The following SLC16A7 variants were observed in gnomAD, a reference collection of about 807,000 sequenced individuals.
The protein encoded by SLC16A7 is monocarboxylate transporter 2.
SLC16A7 carries 33 observed loss-of-function variants against 34.9 expected under a neutral mutation model. That is an observed-to-expected ratio of 0.94 (90% CI 0.72 to 1.26). The LOEUF is 1.26. Ranked by LOEUF, SLC16A7 falls within the 50% of genes most tolerant of loss-of-function variation. SLC16A7 has a pLI of 0.00. For synonymous variants in SLC16A7, 201 were observed against 206.6 expected (o/e 0.97, Z 0.23); for missense variants, 573 against 578.1 (o/e 0.99, Z 0.09).
At chr12:59,769,367 C>G (rs1262737958) in intron 3 of SLC16A7, 2 of 152,082 alleles carry the variant, frequency 1.3e-5, no homozygotes, top group African/African-American at 2.4e-5. Flanking sequence ...TATATATTCT[C>G]TACGTGTATA....
intron 3 of SLC16A7, among the ~76,000 whole-genome samples, chr12:59,749,969 A>T (rs1879328506): frequency 6.6e-6 from 1 of 152,238 alleles, no homozygotes; most frequent in African/African-American, 2.4e-5. Flanking sequence ...TGGGGAAAGC[A>T]TTCCCTATTT....
At chr12:59,663,455 G>C (rs1868963413) in intron 2 of SLC16A7, among the ~76,000 whole-genome samples, 2 of 151,730 alleles carry the variant, frequency 1.3e-5, no homozygotes, top group Admixed American at 6.6e-5. Context: ...TATGTACAGG[G>C]TACAAAATGA....
chr12:59,670,354 G>A (rs1484785320), intron 2 of SLC16A7, among the ~76,000 whole-genome samples: 1 of 152,104 alleles, frequency 6.6e-6, no homozygotes, highest in Non-Finnish European at 1.5e-5. Context: ...GGAGGTTACA[G>A]CTTCAAGGGA....
At chr12:59,699,405 T>G (rs2137121703) in intron 2 of SLC16A7, among the ~76,000 whole-genome samples, 1 of 151,840 alleles carries the variant, frequency 6.6e-6, no homozygotes, top group Non-Finnish European at 1.5e-5. Flanking sequence ...CAATGAATTT[T>G]TTCATGTCTA....
rs1872744190 is a variant in SLC16A7, at chr12:59,700,435, T to A, written c.-30-4337T>A. 6.0e-5 allele frequency among the ~76,000 whole-genome samples: 9 copies of A among 150,302 alleles called. No homozygotes were observed. In the South Asian group the frequency reaches 1.9e-3, roughly 31 times the overall value. ...AAGATTATATATGTCATATGCATATTATTACATGCATATAATATAGAAAAT... is the reference window on the plus strand; with the variant it reads ...AAGATTATATATGTCATATGCATATAATTACATGCATATAATATAGAAAAT... On this transcript the variant is annotated intron_variant, in intron 2 of 5. Coordinates refer to ENST00000547379, the MANE Select transcript of SLC16A7 (RefSeq NM_001270623.2).
chr12:59,716,979 C>T (rs1362766790), intron 3 of SLC16A7, among the ~76,000 whole-genome samples: 2 of 152,094 alleles, frequency 1.3e-5, no homozygotes, highest in Non-Finnish European at 2.9e-5. Context: ...CTGGTGTAAG[C>T]GGCTGTGATA....
At chr12:59,738,296 A>G (rs1877840630) in intron 3 of SLC16A7, among the ~76,000 whole-genome samples, 1 of 152,180 alleles carries the variant, frequency 6.6e-6, no homozygotes. Context: ...CAACTATACT[A>G]TAAGATTTCC....
chr12:59,659,471 A>T (rs1868719279), intron 2 of SLC16A7, among the ~76,000 whole-genome samples: 1 of 152,038 alleles, frequency 6.6e-6, no homozygotes, highest in Non-Finnish European at 1.5e-5. Context: ...TATTTGAGGA[A>T]AGAGAAGCTG....
In SLC16A7 at chr12:59,616,011, A is replaced by G. The variant is rs142207965; in HGVS notation, c.-130+19775A>G. Among the ~76,000 whole-genome samples the G allele has an allele frequency of 1.1e-3, 172 of 152,298 alleles. 3 individuals carry two copies. The East Asian group carries it at 0.03, about 27-fold the overall frequency. On this transcript the variant is annotated intron_variant, in intron 1 of 5. Transcript: ENST00000547379. ...TTCAATTTCACTGGAAGGGGAAACT[A>G]CAGATAATAGTCATGGGAACCTAAC...
At chr12:59,778,887 T>C (rs919701619) in intron 5 of SLC16A7, among the ~76,000 whole-genome samples, 1 of 152,096 alleles carries the variant, frequency 6.6e-6, no homozygotes, top group Non-Finnish European at 1.5e-5. Context: ...GTACTCCTTG[T>C]AAGGATCAAG....
intron 2 of SLC16A7, among the ~76,000 whole-genome samples, chr12:59,682,763 T>C (rs1870839842): frequency 6.6e-6 from 1 of 152,146 alleles, no homozygotes; most frequent in Admixed American, 6.5e-5. Flanking sequence ...CTAGGAGTTC[T>C]ATATTGTCTA....
At position 59,641,363 on chromosome 12, in the gene SLC16A7, T is replaced by C. The variant is rs550226965; in HGVS notation, c.-129-13789T>C. Among the ~76,000 whole-genome samples, 4 of 152,256 alleles carry C rather than the reference T, an allele frequency of 2.6e-5. No individual in the cohort carries two copies. The South Asian group carries it at 8.3e-4, about 32-fold the overall frequency. On this transcript the variant is annotated intron_variant, in intron 1 of 5. Coordinates refer to ENST00000547379, the MANE Select transcript of SLC16A7 (RefSeq NM_001270623.2). The stretch of plus-strand genomic sequence containing the variant: ...CCAAATTCTCCAGAGTCTATTCTTA[T>C]ACATGGTATGCATTCATTTATTCAT...
chr12:59,703,754 A>G (rs1410888009), intron 2 of SLC16A7, among the ~76,000 whole-genome samples: 1 of 152,164 alleles, frequency 6.6e-6, no homozygotes, highest in Non-Finnish European at 1.5e-5. Flanking sequence ...ATTTGCCAAC[A>G]GAATAGATTT....
At position 59,774,612 on chromosome 12, in the gene SLC16A7, A is replaced by G. The variant is rs1394519706; in HGVS notation, c.362-45A>G. The G allele has an allele frequency of 3.2e-6, 4 of 1,251,604 alleles. No individual in the cohort carries two copies. The East Asian group carries it at 7.0e-5, about 22-fold the overall frequency. The allele number at this position is 1,251,604 out of a possible 1,614,324, so 77.5% of individuals were successfully genotyped here. ...AGGAGTAATTTCTTTTGTGAGTGCCATAATGTGTTTGTGTTTTCCCCCACT... is the reference window on the plus strand; with the variant it reads ...AGGAGTAATTTCTTTTGTGAGTGCCGTAATGTGTTTGTGTTTTCCCCCACT... On this transcript the variant is annotated intron_variant, in intron 4 of 5. Coordinates refer to ENST00000547379, the MANE Select transcript of SLC16A7 (RefSeq NM_001270623.2).
chr12:59,628,843 A>C (rs1456773197), intron 1 of SLC16A7, among the ~76,000 whole-genome samples: 1 of 151,862 alleles, frequency 6.6e-6, no homozygotes, highest in East Asian at 1.9e-4. Context: ...TTAAGACTAC[A>C]TTAGATTCTC....
intron 3 of SLC16A7, among the ~76,000 whole-genome samples, chr12:59,735,292 G>A (rs1260945930): frequency 6.6e-6 from 1 of 152,092 alleles, no homozygotes; most frequent in Non-Finnish European, 1.5e-5. Context: ...TCCCAAAGTT[G>A]GTGTATTTCA....
chr12:59,653,995 T>C (rs1868407540), intron 1 of SLC16A7, among the ~76,000 whole-genome samples: 1 of 151,674 alleles, frequency 6.6e-6, no homozygotes, highest in African/African-American at 2.4e-5. Flanking sequence ...AGAATTTGTA[T>C]ACTTAAACTT....
At chr12:59,697,793 TACAAA>T (rs1032732512) in intron 2 of SLC16A7, among the ~76,000 whole-genome samples, 18 of 151,834 alleles carry the variant, frequency 1.2e-4, no homozygotes, top group Non-Finnish European at 2.4e-4. Flanking sequence ...TTATCTTTGT[TACAAA>T]ACAAAACCTG....
intron 1 of SLC16A7, among the ~76,000 whole-genome samples, chr12:59,631,947 G>A (rs113608363): frequency 2.7e-4 from 41 of 151,886 alleles, no homozygotes; most frequent in African/African-American, 9.4e-4. Flanking sequence ...AAGTGGGGTG[G>A]GAAGAAATAA....
Sources: allele counts gnomAD v4.1 joint callset (sites outside exome capture counted in the v4.1 genomes callset), GRCh38; gene constraint gnomAD v4.1.1; transcripts MANE v1.5; gene names NCBI Gene and HGNC (gene_info 2026-07-23, HGNC 2026-07-21).